MYOM2: variants seen among roughly 807,000 people sequenced by gnomAD.
MYOM2 encodes myomesin 2.
MYOM2 carries 254 observed loss-of-function variants against 187.6 expected under a neutral mutation model. The observed-to-expected ratio is 1.35, with a 90% CI of 1.22 to 1.50. MYOM2 has a LOEUF of 1.50. MYOM2 is among the 40% of genes most tolerant of loss of function. MYOM2 has a pLI of 0.00. For missense variants in MYOM2, 2,796 were observed against 1,924.0 expected, an observed-to-expected ratio of 1.45 and a Z score of -8.48; for synonymous variants, 981 against 753.8, an observed-to-expected ratio of 1.30 and a Z score of -4.94.
chr8:2,071,063 G>C (rs566430406), intron 8 of MYOM2, among the ~76,000 whole-genome samples: 1 of 152,204 alleles, frequency 6.6e-6, no homozygotes, highest in East Asian at 1.9e-4. Flanking sequence ...GATCTCCCTG[G>C]CTCAAGGAAT....
In MYOM2 at chr8:2,052,290, TGAG is replaced by T. The variant is rs1563412571; in HGVS notation, c.244_246del (p.Glu82del). The T allele has an allele frequency of 1.2e-6, 2 of 1,606,460 alleles. No individual in the cohort carries two copies. The highest frequency in any genetic ancestry group is 1.7e-6 in the Non-Finnish European group (2 of 1,176,694). ...CGAAGCGAGTGAGCACGCAGGAAGATGAGGAGCAGGAGAACAGAAGCAGGTGAG... is the reference window on the plus strand; with the variant it reads ...CGAAGCGAGTGAGCACGCAGGAAGATGAGCAGGAGAACAGAAGCAGGTGAG... On this transcript the variant is annotated inframe_deletion, in exon 3 of 37. Transcript: ENST00000262113.
rs1373885583 is a variant in MYOM2, at chr8:2,072,242, C to T, written c.794-103C>T. ...CGAGACTCCGTCCCCCCGCCCCCCG[C>T]CCCCAAAAAAGAAAGATGCTCTCTG... On this transcript the variant is annotated intron_variant, in intron 8 of 36. Coordinates refer to ENST00000262113, the MANE Select transcript of MYOM2 (RefSeq NM_003970.4). 4 of 212,936 alleles carry T rather than the reference C, an allele frequency of 1.9e-5. 1 individual carries two copies. The highest frequency in any genetic ancestry group is 3.6e-5 in the Non-Finnish European group (4 of 111,480). The allele number at this position is 212,936 out of a possible 1,614,324, so 13.2% of individuals were successfully genotyped here.
chr8:2,100,127 T>TTC (rs1796648526), intron 19 of MYOM2, among the ~76,000 whole-genome samples: 1 of 69,284 alleles, frequency 1.4e-5, no homozygotes, highest in African/African-American at 5.1e-5. Flanking sequence ...CTTCCTTCCT[T>TTC]CTTTCCTTCC....
At chr8:2,071,792 G>A (rs1398445192) in intron 8 of MYOM2, among the ~76,000 whole-genome samples, 3 of 152,226 alleles carry the variant, frequency 2.0e-5, no homozygotes, top group African/African-American at 7.2e-5. Context: ...CAGCAGGCAT[G>A]GCTTCTGGTG....
intron 10 of MYOM2, among the ~76,000 whole-genome samples, chr8:2,075,122 AAG>A (rs1248538030): frequency 6.6e-6 from 1 of 152,206 alleles, no homozygotes; most frequent in Non-Finnish European, 1.5e-5. Context: ...TCTGAAAAGA[AAG>A]AGAAGAAATG....
chr8:2,116,783 A>C (rs182290279), intron 27 of MYOM2, among the ~76,000 whole-genome samples: 14 of 152,024 alleles, frequency 9.2e-5, no homozygotes, highest in African/African-American at 3.4e-4. Context: ...TTTGAGATGG[A>C]GTCTTGCTCT....
chr8:2,066,425 C>G (rs1421904822), intron 6 of MYOM2, among the ~76,000 whole-genome samples: 3 of 152,192 alleles, frequency 2.0e-5, no homozygotes, highest in Non-Finnish European at 4.4e-5. Context: ...CCTTGTTTCT[C>G]TCATCTGCTG....
Position 2,123,554 on chromosome 8 carries a change from G to T in MYOM2, c.3568-1G>T. On this transcript the variant is annotated splice_acceptor_variant, in intron 29 of 36. Transcript: ENST00000262113. LOFTEE classifies it high-confidence loss of function. ...AAATATGGAATGTGTTTTCTTTGTA[G>T]TTGTCAAAGAAGGACCACGGTGAAT... is the stretch of plus-strand genomic sequence containing the variant. 2 of 1,612,230 alleles carry T rather than the reference G, an allele frequency of 1.2e-6. No individual in the cohort carries two copies. Among genetic ancestry groups the T allele is most frequent in the Non-Finnish European group, 1.7e-6 (2 of 1,178,312 alleles).
At chr8:2,131,748 A>G (rs556699824) in intron 32 of MYOM2, among the ~76,000 whole-genome samples, 1 of 146,312 alleles carries the variant, frequency 6.8e-6, no homozygotes, top group South Asian at 2.2e-4. Context: ...GGTTCACGCC[A>G]TTCTCCTGCC....
At chr8:2,122,061 T>G (rs535356428) in intron 28 of MYOM2, among the ~76,000 whole-genome samples, 80 of 152,312 alleles carry the variant, frequency 5.3e-4, no homozygotes, top group African/African-American at 1.9e-3. Context: ...TGGAAAGGCA[T>G]TTATTGGAAA....
At chr8:2,055,032 G>A (rs1409005929) in intron 3 of MYOM2, among the ~76,000 whole-genome samples, 2 of 40,278 alleles carry the variant, frequency 5.0e-5, no homozygotes, top group African/African-American at 1.5e-4. Context: ...CCTGGATACT[G>A]GGGAACCAAG....
intron 9 of MYOM2, among the ~76,000 whole-genome samples, chr8:2,072,991 C>T (rs1382546774): frequency 6.6e-6 from 1 of 152,188 alleles, no homozygotes; most frequent in Non-Finnish European, 1.5e-5. Context: ...CCCCTGTAAT[C>T]CCCCACGGGC....
At chr8:2,127,170 G>C (rs1454278241) in intron 31 of MYOM2, among the ~76,000 whole-genome samples, 1 of 152,056 alleles carries the variant, frequency 6.6e-6, no homozygotes, top group Non-Finnish European at 1.5e-5. Flanking sequence ...TGGCTCTGCA[G>C]TGTGTTGACT....
At chr8:2,118,526 GAAAAGT>G (rs745944070) in intron 28 of MYOM2, among the ~76,000 whole-genome samples, 52 of 152,322 alleles carry the variant, frequency 3.4e-4, no homozygotes, top group Non-Finnish European at 6.5e-4. Flanking sequence ...GGATAAGAGA[GAAAAGT>G]AAACAGACAG....
In MYOM2 at chr8:2,056,149, C is replaced by A. The variant is rs116989209; in HGVS notation, c.264-1199C>A. 7.8e-3 allele frequency among the ~76,000 whole-genome samples: 1,195 copies of A among 152,250 alleles called. 8 individuals carry two copies. Among genetic ancestry groups the A allele is most frequent in the Admixed American group, 0.013 (193 of 15,298 alleles). On this transcript the variant is annotated intron_variant, in intron 3 of 36. Coordinates refer to ENST00000262113, the MANE Select transcript of MYOM2 (RefSeq NM_003970.4). ...GGATAAAATGTATGCAAATTACGATCATAAAGGCCCTAAGAGAAATAACAG... is the reference window on the plus strand; with the variant it reads ...GGATAAAATGTATGCAAATTACGATAATAAAGGCCCTAAGAGAAATAACAG...
At position 2,052,252 on chromosome 8, in the gene MYOM2, T is replaced by G; in HGVS notation, c.202T>G (p.Cys68Gly). ...CCAGACGTCCCTGGGAGGAACCATC[T>G]GCAGGGTCTGTGCGAAGCGAGTGAG... ...SSQTSLGGTI[C>G]RVCAKRVSTQ... Residue 68 changes from cysteine (C) to glycine (G), a missense_variant, in exon 3 of 37, where the codon TGC (cysteine) becomes GGC (glycine). Transcript: ENST00000262113. 7 of 1,613,202 alleles carry G rather than the reference T, an allele frequency of 4.3e-6. No homozygotes were observed. Among genetic ancestry groups the G allele is most frequent in the Non-Finnish European group, 5.9e-6 (7 of 1,179,826 alleles).
rs3817706 is a variant in MYOM2 at position 2,106,405 on chromosome 8, G to C, written c.2891+7G>C. 725,794 of 1,613,104 alleles carry C rather than the reference G, an allele frequency of 0.45. 167,057 individuals are homozygous for C. Among genetic ancestry groups the C allele is most frequent in the African/African-American group, 0.68 (51,107 of 74,958 alleles). Reference sequence around the variant, plus strand: ...TTGAAACCGTGGGGGATCAGTAAGTGAGGCCTGGAAGTTGGATACTGGAAA... The same window carrying C: ...TTGAAACCGTGGGGGATCAGTAAGTCAGGCCTGGAAGTTGGATACTGGAAA... On this transcript the variant is annotated splice_region_variant and intron_variant, in intron 22 of 36. Transcript: ENST00000262113.
intron 32 of MYOM2, 105 bp downstream of exon 32, chr8:2,129,337 C>A: frequency 1.5e-6 from 1 of 661,466 alleles, no homozygotes; most frequent in South Asian, 2.1e-5. Flanking sequence ...ACTGCCATTT[C>A]CCCTCAAAAT....
intron 1 of MYOM2, among the ~76,000 whole-genome samples, chr8:2,046,104 C>G (rs1346661704): frequency 6.6e-6 from 1 of 152,234 alleles, no homozygotes; most frequent in East Asian, 1.9e-4. Context: ...GTCTGGGAGT[C>G]CCTTTCCCCT....
Sources: allele counts gnomAD v4.1 joint callset (sites outside exome capture counted in the v4.1 genomes callset), GRCh38; gene constraint gnomAD v4.1.1; transcripts MANE v1.5; gene names NCBI Gene and HGNC (gene_info 2026-07-23, HGNC 2026-07-21).